NOL4: variants seen among roughly 807,000 people sequenced by gnomAD.
NOL4 encodes cancer/testis antigen 125.
In NOL4, 17 loss-of-function variants were observed where a neutral mutation model predicts 75.9. The observed-to-expected ratio is 0.22, with a 90% confidence interval of 0.15 to 0.34. The LOEUF (loss-of-function observed/expected upper bound fraction) is 0.34. Among genes scored for constraint, NOL4 ranks in the 10% least tolerant of loss-of-function variants. NOL4 has a pLI of 1.00. For missense variants in NOL4, 614 were observed against 793.5 expected (o/e 0.77, Z 2.72); for synonymous variants, 292 against 289.9 (o/e 1.01, Z -0.07).
rs118037437 is a variant in NOL4 at position 34,091,967 on chromosome 18, C to T, written c.772+1498G>A. ...CAGCAGTTGTGCCATAGCCAAAGAC[C>T]TGCAGCTTGCAACTTCAGTCAAGTA... On this transcript the variant is annotated intron_variant, in intron 5 of 10. Coordinates refer to ENST00000261592, the MANE Select transcript of NOL4 (RefSeq NM_003787.5). Among the ~76,000 whole-genome samples, 1,163 of 152,078 alleles carry T rather than the reference C, an allele frequency of 7.6e-3. 12 individuals carry two copies. The highest frequency in any genetic ancestry group is 0.031 in the Middle Eastern group (9 of 294).
intron 10 of NOL4, among the ~76,000 whole-genome samples, chr18:33,861,704 C>A (rs1017317588): frequency 2.0e-5 from 3 of 152,156 alleles, no homozygotes; most frequent in East Asian, 3.9e-4. Context: ...TAGAAATCCA[C>A]CTTATAAGGG....
intron 1 of NOL4, among the ~76,000 whole-genome samples, chr18:34,161,392 G>A (rs2031453803): frequency 6.6e-6 from 1 of 152,090 alleles, no homozygotes. Context: ...TTTCCATAAT[G>A]GCTATACTAA....
chr18:33,863,415 T>G (rs1198189013), intron 10 of NOL4, among the ~76,000 whole-genome samples: 1 of 151,966 alleles, frequency 6.6e-6, no homozygotes, highest in Non-Finnish European at 1.5e-5. Flanking sequence ...AAACTTAAAG[T>G]ATAATAATAA....
At chr18:33,875,063 C>T (rs1189650878) in intron 10 of NOL4, among the ~76,000 whole-genome samples, 6 of 152,004 alleles carry the variant, frequency 3.9e-5, no homozygotes, top group Admixed American at 3.9e-4. Flanking sequence ...CAGTTTATAA[C>T]AGAGTTGAAA....
chr18:33,944,899 T>C (rs2068733279), intron 8 of NOL4, among the ~76,000 whole-genome samples: 1 of 151,862 alleles, frequency 6.6e-6, no homozygotes, highest in South Asian at 2.1e-4. Context: ...ATAAAATCAG[T>C]CTCATTAACC....
At chr18:34,184,903 C>T (rs1461661858) in intron 1 of NOL4, among the ~76,000 whole-genome samples, 2 of 152,032 alleles carry the variant, frequency 1.3e-5, no homozygotes, top group Non-Finnish European at 2.9e-5. Context: ...ATGGGTGAAA[C>T]TGAAATTTGG....
At chr18:33,855,852 A>C (rs1567960966) in intron 10 of NOL4, among the ~76,000 whole-genome samples, 1 of 149,840 alleles carries the variant, frequency 6.7e-6, no homozygotes, top group East Asian at 1.9e-4. Flanking sequence ...TTTCAAATTA[A>C]GTTATCAGTT....
intron 6 of NOL4, among the ~76,000 whole-genome samples, chr18:33,986,780 A>C (rs1343714682): frequency 6.6e-6 from 1 of 152,180 alleles, no homozygotes; most frequent in African/African-American, 2.4e-5. Flanking sequence ...ACCCAAAATA[A>C]ATGAAAACAT....
chr18:34,080,378 A>G (rs2077950819), intron 5 of NOL4, among the ~76,000 whole-genome samples: 1 of 152,204 alleles, frequency 6.6e-6, no homozygotes, highest in South Asian at 2.1e-4. Flanking sequence ...CTGAATCTCC[A>G]GCCCTGCATA....
intron 6 of NOL4, among the ~76,000 whole-genome samples, chr18:33,992,487 T>C (rs2072994147): frequency 6.6e-6 from 1 of 151,914 alleles, no homozygotes; most frequent in Non-Finnish European, 1.5e-5. Context: ...TGAGGAAACA[T>C]CTATTCAAAA....
chr18:34,141,848 T>A (rs1484767943), intron 1 of NOL4, among the ~76,000 whole-genome samples: 2 of 152,080 alleles, frequency 1.3e-5, no homozygotes, highest in Admixed American at 1.3e-4. Context: ...CTAATTAAAC[T>A]AAAGAGCTTC....
intron 1 of NOL4, among the ~76,000 whole-genome samples, chr18:34,148,324 CTT>C (rs1236116825): frequency 1.3e-5 from 2 of 152,004 alleles, no homozygotes. Context: ...AATTTTAGCT[CTT>C]TACAGCTTTC....
chr18:34,138,403 A>T (rs2080991589), intron 1 of NOL4, among the ~76,000 whole-genome samples: 1 of 152,104 alleles, frequency 6.6e-6, no homozygotes, highest in Admixed American at 6.6e-5. Context: ...AACTACCTCA[A>T]AAAAATAAAA....
In NOL4 at chr18:33,852,716, G is replaced by A; in HGVS notation, c.*126C>T. The A allele has an allele frequency of 1.2e-6, 1 of 805,432 alleles. No homozygotes were observed. Among genetic ancestry groups the A allele is most frequent in the East Asian group, 2.7e-5 (1 of 37,546 alleles). The allele number at this position is 805,432 out of a possible 1,614,324, so 49.9% of individuals were successfully genotyped here. A position where few individuals can be genotyped will look rare whatever the true frequency, so the allele number is the denominator to read the frequency against. On this transcript the variant is annotated 3_prime_UTR_variant, in exon 11 of 11. Transcript: ENST00000261592. ...ATCACTTACGGATCAAGGACAATGTGGCATAATGGAAGTATTTCTCTTAAA... is the reference window on the plus strand; with the variant it reads ...ATCACTTACGGATCAAGGACAATGTAGCATAATGGAAGTATTTCTCTTAAA...
chr18:34,051,671 G>T (rs1417610135), intron 5 of NOL4, among the ~76,000 whole-genome samples: 1 of 152,042 alleles, frequency 6.6e-6, no homozygotes, highest in African/African-American at 2.4e-5. Context: ...GAAGCATACA[G>T]TCACTCAGCA....
intron 9 of NOL4, among the ~76,000 whole-genome samples, chr18:33,927,979 C>A (rs1281236742): frequency 1.3e-5 from 2 of 152,068 alleles, no homozygotes; most frequent in Admixed American, 1.3e-4. Flanking sequence ...TTCAGTTTCT[C>A]TAATACACAT....
chr18:34,114,711 A>G (rs1263965174), intron 2 of NOL4, among the ~76,000 whole-genome samples: 1 of 152,188 alleles, frequency 6.6e-6, no homozygotes, highest in Admixed American at 6.5e-5. Context: ...TGCTGTAAAG[A>G]GATGAAATGA....
intron 6 of NOL4, among the ~76,000 whole-genome samples, chr18:33,967,363 ATTCTAG>A (rs2070689433): frequency 1.3e-5 from 2 of 152,312 alleles, no homozygotes; most frequent in Non-Finnish European, 2.9e-5. Flanking sequence ...AACTATAAAA[ATTCTAG>A]AAGACAACCT....
At chr18:34,011,197 T>C (rs2074351164) in intron 6 of NOL4, among the ~76,000 whole-genome samples, 1 of 151,748 alleles carries the variant, frequency 6.6e-6, no homozygotes, top group African/African-American at 2.4e-5. Flanking sequence ...CCATCACATA[T>C]ACCTTATGAA....
Sources: allele counts gnomAD v4.1 joint callset (sites outside exome capture counted in the v4.1 genomes callset), GRCh38; gene constraint gnomAD v4.1.1; transcripts MANE v1.5; gene names NCBI Gene and HGNC (gene_info 2026-07-23, HGNC 2026-07-21).